Variants in SPAG17 observed in about 807,000 individuals in gnomAD.
SPAG17 encodes the protein sperm associated antigen 17, also known as sperm-associated antigen 17.
Under a neutral mutation model 273.6 loss-of-function variants are expected in SPAG17, and 169 were observed. That is an observed-to-expected ratio of 0.62 (90% CI 0.55 to 0.70). The LOEUF (loss-of-function observed/expected upper bound fraction) is 0.70. SPAG17 is among the 30% of genes least tolerant of loss of function. SPAG17 has a pLI of 0.00. For synonymous variants in SPAG17, 825 were observed against 873.2 expected, an observed-to-expected ratio of 0.94 and a Z score of 0.97; for missense variants, 2,557 against 2,627.8, an observed-to-expected ratio of 0.97 and a Z score of 0.59.
At chr1:118,104,521 G>A (rs1656269472) in intron 4 of SPAG17, among the ~76,000 whole-genome samples, 1 of 152,260 alleles carries the variant, frequency 6.6e-6, no homozygotes, top group Admixed American at 6.5e-5. Context: ...GTAGATAATC[G>A]CATGGGAAGA....
In SPAG17 at chr1:117,996,422, T is replaced by G. The variant is rs367692897; in HGVS notation, c.5001A>C (p.Ala1667=). 8.8e-5 allele frequency: 142 copies of G among 1,613,130 alleles called. No homozygotes were observed. The East Asian group carries it at 2.5e-3, about 29-fold the overall frequency. ...DSDIEEYLSL[A]YKESNTVVLQ... ...GAACAACAGTATTTGATTCTTTATA[T>G]GCCAAAGATAGATATTCTTCTATGT... The change falls in exon 34 of 49, where the codon GCA becomes GCC. Residue 1667 remains alanine, a synonymous_variant. Transcript: ENST00000336338.
chr1:117,987,983 T>A, intron 39 of SPAG17, 102 bp from the exon 40 acceptor site: 1 of 1,462,234 alleles, frequency 6.8e-7, no homozygotes. Flanking sequence ...ATTAATAGTA[T>A]GGGAGATGAA....
chr1:118,145,417 G>A (rs577862754), intron 3 of SPAG17, among the ~76,000 whole-genome samples: 1 of 152,160 alleles, frequency 6.6e-6, no homozygotes, highest in East Asian at 1.9e-4. Context: ...TATACATCCA[G>A]GAAACAGAAG....
At chr1:118,076,400 T>C (rs1557991998) in intron 15 of SPAG17, 1 of 152,158 alleles carries the variant, frequency 6.6e-6, no homozygotes, top group Admixed American at 6.6e-5. Flanking sequence ...TCCATTTTGA[T>C]TTAGGGGAAA....
At chr1:118,020,073 T>C (rs1571257579) in intron 28 of SPAG17, among the ~76,000 whole-genome samples, 1 of 152,302 alleles carries the variant, frequency 6.6e-6, no homozygotes, top group East Asian at 1.9e-4. Flanking sequence ...TATTAAATAG[T>C]AGCTGGGGTA....
intron 41 of SPAG17, 31 bp downstream of exon 41, chr1:117,984,652 T>C (rs1188448809): frequency 7.3e-7 from 1 of 1,369,524 alleles, no homozygotes; most frequent in South Asian, 1.3e-5. Context: ...TAAAAACTTT[T>C]ATTAGATTAT....
chr1:118,066,828 A>C lies in SPAG17; in HGVS notation c.2457T>G (p.Leu819=). 6.2e-7 allele frequency: 1 copy of C among 1,613,870 alleles called. No homozygotes were observed. Among genetic ancestry groups the C allele is most frequent in the Non-Finnish European group, 8.5e-7 (1 of 1,179,804 alleles). The change falls in exon 18 of 49, where the codon CTT becomes CTG. Residue 819 remains leucine (L), a synonymous_variant. Transcript: ENST00000336338. ...TATTCATTGGATTGTGAAAGACTAA[A>C]AGTAAAGAGTTGTCTTGGGTGTGGT... ...SYYHTQDNSL[L]LVFHNPMNRQ...
intron 1 of SPAG17, among the ~76,000 whole-genome samples, chr1:118,164,096 C>A (rs562652687): frequency 1.1e-4 from 17 of 152,232 alleles, no homozygotes; most frequent in African/African-American, 3.9e-4. Flanking sequence ...AAACAAGGAC[C>A]TTTTAGGTAT....
intron 24 of SPAG17, among the ~76,000 whole-genome samples, chr1:118,034,435 T>C (rs1179754198): frequency 6.6e-6 from 1 of 152,246 alleles, no homozygotes; most frequent in Non-Finnish European, 1.5e-5. Flanking sequence ...ACACATGCTA[T>C]TCCTGGTAGC....
chr1:118,062,366 C>CAAAAAAAAAAAAAAAAAAA (rs56029752), intron 18 of SPAG17, among the ~76,000 whole-genome samples: 3 of 46,410 alleles, frequency 6.5e-5, no homozygotes, highest in African/African-American at 3.3e-4. Context: ...GACTCCATCT[C>CAAAAAAAAAAAAAAAAAAA]AAAAAAAAAA....
chr1:118,008,304 T>C lies in SPAG17; in HGVS notation c.4433-106A>G, dbSNP rs891271393. 3.1e-6 allele frequency: 4 copies of C among 1,305,648 alleles called. No homozygotes were observed. The Admixed American group carries it at 6.3e-5, about 21-fold the overall frequency. The allele number at this position is 1,305,648 out of a possible 1,614,324, so 80.9% of individuals were successfully genotyped here. A position where few individuals can be genotyped will look rare whatever the true frequency, so the allele number is the denominator to read the frequency against. ...GTTTCCTGGCTGTCTGGATTCCCCA[T>C]GGAAAAAACACAATTGTAAAGTCTA... On this transcript the variant is annotated intron_variant, in intron 30 of 48. Transcript: ENST00000336338.
intron 20 of SPAG17, among the ~76,000 whole-genome samples, chr1:118,047,037 T>C (rs1246470110): frequency 6.6e-6 from 1 of 152,234 alleles, no homozygotes; most frequent in Non-Finnish European, 1.5e-5. Context: ...ATCTAGTTTA[T>C]AGTCCTTGTT....
rs759316360 is a variant in SPAG17, at chr1:117,954,081, T to G, written c.*1-32A>C. 8.1e-6 allele frequency: 13 copies of G among 1,612,162 alleles called. No individual in the cohort carries two copies. The South Asian group carries it at 1.4e-4, about 18-fold the overall frequency. ...AAATGAAGGAACACAAAGCCATTTG[T>G]AAAGCTGCAGGGAAAGAGGTAATAA... On this transcript the variant is annotated intron_variant, in intron 48 of 48. Transcript: ENST00000336338.
At chr1:118,006,576 A>T (rs1273960115) in intron 31 of SPAG17, among the ~76,000 whole-genome samples, 1 of 152,206 alleles carries the variant, frequency 6.6e-6, no homozygotes, top group East Asian at 1.9e-4. Flanking sequence ...TTTTGTGCAG[A>T]TGTATGTTTT....
intron 7 of SPAG17, among the ~76,000 whole-genome samples, chr1:118,094,697 C>T (rs1655597756): frequency 6.6e-6 from 1 of 152,156 alleles, no homozygotes; most frequent in South Asian, 2.1e-4. Context: ...GAACTGTGAT[C>T]TTACCTATTA....
chr1:118,107,625 G>T (rs745895854), intron 4 of SPAG17, among the ~76,000 whole-genome samples: 13 of 152,098 alleles, frequency 8.5e-5, no homozygotes, highest in Non-Finnish European at 1.3e-4. Flanking sequence ...CTCCCGAGTA[G>T]CTGGGACAAC....
chr1:118,070,486 A>G (rs1041824101), intron 17 of SPAG17, among the ~76,000 whole-genome samples: 1 of 152,286 alleles, frequency 6.6e-6, no homozygotes, highest in Middle Eastern at 3.4e-3. Flanking sequence ...GTAACTACAG[A>G]TGGTAGATGA....
At chr1:118,023,253 C>T in intron 28 of SPAG17, 51 bp downstream of exon 28, 1 of 1,436,242 alleles carries the variant, frequency 7.0e-7, no homozygotes, top group Non-Finnish European at 9.5e-7. Context: ...CTTATTAAGC[C>T]CTTGAAGGCT....
At position 118,081,084 on chromosome 1, in the gene SPAG17, C is replaced by CAT; in HGVS notation, c.2209+16_2209+17insAT. 1 of 1,559,154 alleles carries CAT rather than the reference C, an allele frequency of 6.4e-7. No individual in the cohort carries two copies. Among genetic ancestry groups the CAT allele is most frequent in the Non-Finnish European group, 8.8e-7 (1 of 1,130,562 alleles). ...ACACACACACACACACACACACACACACACACTTTAACTTACCCAGAGACT... is the reference window on the plus strand; with the variant it reads ...ACACACACACACACACACACACACACATACACACTTTAACTTACCCAGAGACT... On this transcript the variant is annotated intron_variant, in intron 15 of 48. Coordinates refer to ENST00000336338, the MANE Select transcript of SPAG17 (RefSeq NM_206996.4).
Sources: gnomAD v4.1 joint callset for allele counts (sites outside exome capture counted in the v4.1 genomes callset) on GRCh38, gnomAD v4.1.1 for gene constraint, MANE v1.5 for transcripts, NCBI Gene and HGNC (gene_info 2026-07-23, HGNC 2026-07-21) for gene names.